TRPM3: variants seen among roughly 807,000 people sequenced by gnomAD.
TRPM3 encodes the protein long transient receptor potential channel 3.
A neutral mutation model predicts 181.2 loss-of-function variants in TRPM3; 77 were observed. The observed-to-expected ratio is 0.42, with a 90% confidence interval of 0.35 to 0.51. The LOEUF (loss-of-function observed/expected upper bound fraction) is 0.51. Among genes scored for constraint, TRPM3 ranks in the 20% least tolerant of loss-of-function variants. TRPM3 has a pLI of 0.01. For synonymous variants in TRPM3, 745 were observed against 796.4 expected, an observed-to-expected ratio of 0.94 and a Z score of 1.09; for missense variants, 1,759 against 2,196.7, an observed-to-expected ratio of 0.80 and a Z score of 3.98.
At chr9:70,778,751 T>C (rs1174771693) in intron 7 of TRPM3, among the ~76,000 whole-genome samples, 1 of 152,144 alleles carries the variant, frequency 6.6e-6, no homozygotes, top group Non-Finnish European at 1.5e-5. Flanking sequence ...ATTACGTTCT[T>C]TTGGCAGGTC....
At chr9:71,148,994 G>C (rs1174101136) in intron 1 of TRPM3, among the ~76,000 whole-genome samples, 1 of 152,092 alleles carries the variant, frequency 6.6e-6, no homozygotes, top group African/African-American at 2.4e-5. Flanking sequence ...CATATAGCTG[G>C]TCAAATAGCA....
intron 1 of TRPM3, among the ~76,000 whole-genome samples, chr9:71,405,994 G>A (rs1306634484): frequency 4.6e-5 from 7 of 152,014 alleles, no homozygotes; most frequent in Non-Finnish European, 1.0e-4. Context: ...AAAAATTGGT[G>A]GCTGGGCACG....
intron 1 of TRPM3, among the ~76,000 whole-genome samples, chr9:70,892,546 A>G (rs1206134978): frequency 6.6e-6 from 1 of 151,588 alleles, no homozygotes; most frequent in Non-Finnish European, 1.5e-5. Flanking sequence ...TGGAGAGAAA[A>G]AAGTCTCAAG....
rs995244391 is a variant in TRPM3, at chr9:70,590,200, C to T, written c.3223+831G>A. ...GATGTTTCTTTAATGATGCTTTCTTCCCAAAAAATTTCCCAATGCCTGGTG... is the reference window on the plus strand; with the variant it reads ...GATGTTTCTTTAATGATGCTTTCTTTCCAAAAAATTTCCCAATGCCTGGTG... On this transcript the variant is annotated intron_variant, in intron 22 of 25. Coordinates refer to ENST00000677713, the MANE Select transcript of TRPM3 (RefSeq NM_001366145.2). 5.4e-4 allele frequency among the ~76,000 whole-genome samples: 82 copies of T among 152,148 alleles called. 2 individuals are homozygous for T. The highest frequency in any genetic ancestry group is 2.0e-4 in the Admixed American group (3 of 15,264).
chr9:70,905,782 AC>A (rs1487480723), intron 1 of TRPM3, among the ~76,000 whole-genome samples: 1 of 151,276 alleles, frequency 6.6e-6, no homozygotes, highest in East Asian at 2.0e-4. Context: ...TTGCTGTGGC[AC>A]CCAGGCTGGA....
At chr9:71,416,825 C>T (rs889923370) in intron 1 of TRPM3, among the ~76,000 whole-genome samples, 1 of 151,924 alleles carries the variant, frequency 6.6e-6, no homozygotes, top group East Asian at 1.9e-4. Flanking sequence ...TTTCCTTTTA[C>T]TTCTTCCCAA....
chr9:70,737,707 G>A (rs1340396770), intron 8 of TRPM3, among the ~76,000 whole-genome samples: 5 of 149,476 alleles, frequency 3.3e-5, no homozygotes, highest in Non-Finnish European at 4.4e-5. Context: ...CACCAAAAGC[G>A]ACAAGGAATA....
At chr9:70,639,031 A>C in intron 11 of TRPM3, 29 bp downstream of exon 11, 1 of 1,607,072 alleles carries the variant, frequency 6.2e-7, no homozygotes, top group Non-Finnish European at 8.5e-7. Context: ...AAAAAAAAGA[A>C]AATAAAAAGT....
chr9:70,668,389 G>A (rs964131093), intron 9 of TRPM3, among the ~76,000 whole-genome samples: 1 of 152,164 alleles, frequency 6.6e-6, no homozygotes, highest in Non-Finnish European at 1.5e-5. Context: ...TCTGGGCCGG[G>A]CGCGGTGGCT....
chr9:70,530,247 T>C lies in TRPM3; in HGVS notation c.*5706A>G, dbSNP rs1455463835. On this transcript the variant is annotated 3_prime_UTR_variant, in exon 26 of 26. Coordinates refer to ENST00000677713, the MANE Select transcript of TRPM3 (RefSeq NM_001366145.2). ...GGTATAAAGGTAATGTGGGCAAGGG[T>C]CTGTTGGTCTGGTGAAAAAGCAGCT... is the stretch of plus-strand genomic sequence containing the variant. 1 of 152,102 alleles carries C rather than the reference T, an allele frequency of 6.6e-6. No individual in the cohort carries two copies. The highest frequency in any genetic ancestry group is 2.4e-5 in the African/African-American group (1 of 41,386). The allele number at this position is 152,102 out of a possible 1,614,324, so 9.4% of individuals were successfully genotyped here. A position where few individuals can be genotyped will look rare whatever the true frequency, so the allele number is the denominator to read the frequency against.
At chr9:70,914,217 A>T (rs2096567470) in intron 1 of TRPM3, among the ~76,000 whole-genome samples, 1 of 152,116 alleles carries the variant, frequency 6.6e-6, no homozygotes, top group Non-Finnish European at 1.5e-5. Context: ...TTTCTTTTCC[A>T]CCATGTGAGG....
intron 1 of TRPM3, among the ~76,000 whole-genome samples, chr9:71,250,212 G>A (rs936869989): frequency 3.9e-5 from 6 of 152,038 alleles, no homozygotes; most frequent in African/African-American, 1.4e-4. Context: ...AAATTGAATA[G>A]CTATTTACAA....
intron 1 of TRPM3, among the ~76,000 whole-genome samples, chr9:70,929,303 G>A (rs1215984546): frequency 6.6e-6 from 1 of 151,946 alleles, no homozygotes; most frequent in Non-Finnish European, 1.5e-5. Flanking sequence ...CCGGGTTCAA[G>A]CAATTGTTCT....
intron 1 of TRPM3, among the ~76,000 whole-genome samples, chr9:71,244,304 T>C (rs964378519): frequency 2.0e-5 from 3 of 152,090 alleles, no homozygotes; most frequent in Admixed American, 1.3e-4. Context: ...TGGGGTCCCT[T>C]TGACCTGAGT....
intron 1 of TRPM3, among the ~76,000 whole-genome samples, chr9:70,898,848 C>A (rs1022660801): frequency 3.9e-5 from 6 of 151,964 alleles, no homozygotes; most frequent in Admixed American, 3.9e-4. Flanking sequence ...CTGAAGATAG[C>A]AGCTGCTGCT....
chr9:70,928,325 T>C (rs186741845), intron 1 of TRPM3, among the ~76,000 whole-genome samples: 103 of 152,328 alleles, frequency 6.8e-4, no homozygotes, highest in African/African-American at 2.4e-3. Flanking sequence ...CCATGTCCCG[T>C]AATTCCTTTC....
chr9:71,389,005 AAGAAG>A (rs2092995413), intron 1 of TRPM3, among the ~76,000 whole-genome samples: 1 of 152,082 alleles, frequency 6.6e-6, no homozygotes, highest in Admixed American at 6.6e-5. Flanking sequence ...ACATGATAAA[AAGAAG>A]AGATGTCTTA....
intron 25 of TRPM3, among the ~76,000 whole-genome samples, chr9:70,540,785 C>T (rs757724602): frequency 6.6e-6 from 1 of 152,158 alleles, no homozygotes; most frequent in African/African-American, 2.4e-5. Flanking sequence ...TGCAGTGGCA[C>T]GATCATGGTT....
rs147309806 is a variant in TRPM3 at position 70,544,138 on chromosome 9, C to T, written c.3707+5404G>A. The stretch of plus-strand genomic sequence containing the variant: ...TGTGATCACCAGAAAATGTAGGTAA[C>T]CCTTAAGAACCAATGGGAAATAAAA... On this transcript the variant is annotated intron_variant, in intron 25 of 25. Coordinates refer to ENST00000677713, the MANE Select transcript of TRPM3 (RefSeq NM_001366145.2). Among the ~76,000 whole-genome samples the T allele has an allele frequency of 1.6e-3, 246 of 152,142 alleles. 3 individuals are homozygous for T. In the East Asian group the frequency reaches 0.04, roughly 25 times the overall value.
Sources: allele counts gnomAD v4.1 joint callset (sites outside exome capture counted in the v4.1 genomes callset), GRCh38; gene constraint gnomAD v4.1.1; transcripts MANE v1.5; gene names NCBI Gene and HGNC (gene_info 2026-07-23, HGNC 2026-07-21).